The following DIS3L2 variants were observed in gnomAD, a reference collection of about 807,000 sequenced individuals.
DIS3L2 encodes DIS3 like 3'-5' exoribonuclease 2, also known as DIS3-like exonuclease 2.
DIS3L2 carries 34 observed loss-of-function variants against 97.5 expected under a neutral mutation model. The ratio of observed to expected loss-of-function variants is 0.35; its 90% CI spans 0.27 to 0.46. The LOEUF is 0.46. Ranked by LOEUF, DIS3L2 falls within the 20% of genes least tolerant of loss-of-function variation. DIS3L2 has a pLI of 1.00. For missense variants in DIS3L2, 1,038 were observed against 1,146.0 expected (o/e 0.91, Z 1.36); for synonymous variants, 435 against 445.2 (o/e 0.98, Z 0.29).
At chr2:231,978,257 C>T (rs544155879) in intron 1 of DIS3L2, among the ~76,000 whole-genome samples, 65 of 152,316 alleles carry the variant, frequency 4.3e-4, no homozygotes, top group African/African-American at 1.4e-3. Flanking sequence ...ACAAAATTAT[C>T]GTTGCCATTG....
chr2:231,995,835 G>A (rs1477251037), intron 1 of DIS3L2, among the ~76,000 whole-genome samples: 1 of 152,204 alleles, frequency 6.6e-6, no homozygotes, highest in Non-Finnish European at 1.5e-5. Context: ...TATGTTACTA[G>A]AAATAGAAGA....
intron 13 of DIS3L2, among the ~76,000 whole-genome samples, chr2:232,278,381 C>T (rs1171621187): frequency 1.3e-5 from 2 of 152,116 alleles, no homozygotes; most frequent in African/African-American, 2.4e-5. Context: ...GCAAGCTACA[C>T]GTATAGTCAT....
intron 5 of DIS3L2, among the ~76,000 whole-genome samples, chr2:232,035,534 T>C (rs1694927480): frequency 6.6e-6 from 1 of 152,236 alleles, no homozygotes; most frequent in African/African-American, 2.4e-5. Context: ...AATTTGATCC[T>C]GTCATTACGA....
Position 232,293,871 on chromosome 2 carries a change from C to T in DIS3L2, c.1660-6169C>T, listed in dbSNP as rs1694660872. 6.6e-6 allele frequency among the ~76,000 whole-genome samples: 1 copy of T among 152,178 alleles called. No homozygotes were observed. The highest frequency in any genetic ancestry group is 2.1e-4 in the South Asian group (1 of 4,826). On this transcript the variant is annotated intron_variant, in intron 13 of 20. Transcript: ENST00000325385. The surrounding 1 kb of genome is among the most constrained non-coding windows in gnomAD (Gnocchi z 4.6). ...AAAATAACAGCTATGTTCTAGAGAG[C>T]GGATTAGGAGAACATAGCCAAGGGA...
chr2:232,241,183 G>A (rs935515726), intron 11 of DIS3L2, among the ~76,000 whole-genome samples: 2 of 152,246 alleles, frequency 1.3e-5, no homozygotes, highest in East Asian at 1.9e-4. Flanking sequence ...TTTCTTAAAG[G>A]ACTGTGTCCA....
intron 10 of DIS3L2, among the ~76,000 whole-genome samples, chr2:232,235,805 G>A (rs543876460): frequency 4.6e-5 from 7 of 152,268 alleles, no homozygotes; most frequent in African/African-American, 1.7e-4. Flanking sequence ...ATCAAAACTG[G>A]AAGTTGAGCC....
At chr2:232,196,557 C>A (rs3103289) in intron 9 of DIS3L2, among the ~76,000 whole-genome samples, 11,330 of 152,096 alleles carry the variant, frequency 0.074, 491 homozygotes, top group Middle Eastern at 0.16. Flanking sequence ...TTTGAGGCCT[C>A]CCAGTGACCA....
chr2:232,123,319 A>C (rs980112831), intron 6 of DIS3L2, among the ~76,000 whole-genome samples: 2 of 152,294 alleles, frequency 1.3e-5, no homozygotes, highest in South Asian at 4.1e-4. Context: ...AAAGAAAAAA[A>C]AACCCTAAGA....
chr2:232,044,962 T>C (rs943593580), intron 5 of DIS3L2, among the ~76,000 whole-genome samples: 3 of 152,142 alleles, frequency 2.0e-5, no homozygotes, highest in Non-Finnish European at 4.4e-5. Context: ...ATGTAATGGA[T>C]GCTTTAGTGT....
chr2:232,261,356 C>T (rs952006866), intron 12 of DIS3L2, among the ~76,000 whole-genome samples: 1 of 152,198 alleles, frequency 6.6e-6, no homozygotes, highest in African/African-American at 2.4e-5. Context: ...CCACACAGCC[C>T]TCTGTTCTGC....
At chr2:232,211,069 A>C (rs1005025509) in intron 10 of DIS3L2, among the ~76,000 whole-genome samples, 10 of 152,030 alleles carry the variant, frequency 6.6e-5, no homozygotes, top group Admixed American at 5.2e-4. Context: ...CTCTCAAAGA[A>C]AAAATGTGTA....
intron 1 of DIS3L2, among the ~76,000 whole-genome samples, chr2:231,985,058 A>G (rs768891533): frequency 2.0e-5 from 3 of 152,202 alleles, no homozygotes; most frequent in Non-Finnish European, 4.4e-5. Context: ...AACTGCACAT[A>G]CCTTATTCAC....
At chr2:232,336,221 T>A in intron 20 of DIS3L2, 1 of 1,538,466 alleles carries the variant, frequency 6.5e-7, no homozygotes, top group African/African-American at 1.4e-5. Context: ...CAGTGTGCCC[T>A]GAACGCGGAC....
chr2:232,195,800 A>T (rs1203330678), intron 9 of DIS3L2, among the ~76,000 whole-genome samples: 2 of 152,086 alleles, frequency 1.3e-5, no homozygotes, highest in Non-Finnish European at 2.9e-5. Flanking sequence ...CCATAGGAGC[A>T]ATTGAGAGGT....
intron 8 of DIS3L2, among the ~76,000 whole-genome samples, chr2:232,147,303 T>A (rs1690245149): frequency 6.6e-6 from 1 of 152,128 alleles, no homozygotes; most frequent in Admixed American, 6.5e-5. Context: ...CAGAACAGAT[T>A]TAGATTTACA....
chr2:232,004,098 A>T (rs532865980), intron 1 of DIS3L2, among the ~76,000 whole-genome samples: 10 of 151,920 alleles, frequency 6.6e-5, no homozygotes, highest in Non-Finnish European at 1.5e-4. Context: ...TTGGAGACAG[A>T]GTCTTGCTCT....
At chr2:232,062,203 C>G (rs563119873) in intron 5 of DIS3L2, among the ~76,000 whole-genome samples, 143 of 152,196 alleles carry the variant, frequency 9.4e-4, no homozygotes, top group Non-Finnish European at 1.5e-3. Context: ...GGCAGCTTCT[C>G]CATCCTTGCC....
At chr2:232,277,638 A>G (rs1694175564) in intron 13 of DIS3L2, among the ~76,000 whole-genome samples, 1 of 152,192 alleles carries the variant, frequency 6.6e-6, no homozygotes, top group African/African-American at 2.4e-5. Context: ...TATATATCCT[A>G]AGGCGTGTAC....
In DIS3L2 at chr2:232,281,979, A is replaced by G. The variant is rs1694298907; in HGVS notation, c.1660-18061A>G. Among the ~76,000 whole-genome samples, 3 of 151,974 alleles carry G rather than the reference A, an allele frequency of 2.0e-5. No individual in the cohort carries two copies. Among genetic ancestry groups the G allele is most frequent in the African/African-American group, 7.2e-5 (3 of 41,382 alleles). ...GCAAGACCACGGTGAGCACACAGGCACTTAGGAGCAGCACGTGGCACCCAT... is the reference window on the plus strand; with the variant it reads ...GCAAGACCACGGTGAGCACACAGGCGCTTAGGAGCAGCACGTGGCACCCAT... On this transcript the variant is annotated intron_variant, in intron 13 of 20. Transcript: ENST00000325385. This position sits in a 1 kb window ranked among gnomAD's most constrained non-coding sequence, Gnocchi z 4.1.
Sources: gnomAD v4.1 joint callset for allele counts (sites outside exome capture counted in the v4.1 genomes callset) on GRCh38, gnomAD v4.1.1 for gene constraint, Gnocchi (gnomAD v3.1) non-coding constraint, MANE v1.5 for transcripts, NCBI Gene and HGNC (gene_info 2026-07-23, HGNC 2026-07-21) for gene names.